ARMC9: variants seen among roughly 807,000 people sequenced by gnomAD.
ARMC9 encodes the protein armadillo repeat containing 9.
Under a neutral mutation model 107.0 loss-of-function variants are expected in ARMC9, and 94 were observed. The ratio of observed to expected loss-of-function variants is 0.88; its 90% CI spans 0.74 to 1.04. The LOEUF is 1.04. Ranked by LOEUF, ARMC9 falls within the 50% of genes least tolerant of loss-of-function variation. The pLI is 0.00. For synonymous variants in ARMC9, 380 were observed against 396.9 expected (o/e 0.96, Z 0.51); for missense variants, 942 against 1,030.1 (o/e 0.91, Z 1.17).
chr2:231,253,507 A>G (rs893971774), intron 9 of ARMC9, among the ~76,000 whole-genome samples: 3 of 152,046 alleles, frequency 2.0e-5, no homozygotes, highest in African/African-American at 4.8e-5. Context: ...AGGTCATGCC[A>G]CTGTACTCCA....
At chr2:231,339,345 T>A (rs543842278) in intron 20 of ARMC9, among the ~76,000 whole-genome samples, 32 of 151,398 alleles carry the variant, frequency 2.1e-4, no homozygotes, top group African/African-American at 5.1e-4. Flanking sequence ...AAAAAAAAAA[T>A]TATATGTATT....
chr2:231,347,394 C>T (rs1264918691), intron 21 of ARMC9, among the ~76,000 whole-genome samples: 1 of 152,140 alleles, frequency 6.6e-6, no homozygotes, highest in African/African-American at 2.4e-5. Flanking sequence ...GCACACAGAC[C>T]AAGCTGTGTG....
chr2:231,285,472 C>A (rs1268192199), intron 17 of ARMC9, among the ~76,000 whole-genome samples: 1 of 151,766 alleles, frequency 6.6e-6, no homozygotes, highest in East Asian at 1.9e-4. Context: ...ATGGAGAAAC[C>A]CTGTCTCTAC....
intron 23 of ARMC9, among the ~76,000 whole-genome samples, chr2:231,366,445 C>A (rs779742281): frequency 3.9e-5 from 6 of 152,156 alleles, no homozygotes; most frequent in Non-Finnish European, 5.9e-5. Flanking sequence ...TGCTTATAAT[C>A]CTGGCACTGT....
At chr2:231,309,843 C>T (rs2042237948) in intron 19 of ARMC9, among the ~76,000 whole-genome samples, 1 of 152,018 alleles carries the variant, frequency 6.6e-6, no homozygotes, top group African/African-American at 2.4e-5. Flanking sequence ...CAGTCTTATA[C>T]TATCCTGACC....
intron 23 of ARMC9, among the ~76,000 whole-genome samples, chr2:231,368,141 C>T (rs1199717822): frequency 6.6e-6 from 1 of 151,954 alleles, no homozygotes; most frequent in African/African-American, 2.4e-5. Flanking sequence ...CACACTGTAC[C>T]CCATAAATAT....
intron 9 of ARMC9, among the ~76,000 whole-genome samples, chr2:231,247,145 C>T (rs1480943049): frequency 4.6e-5 from 7 of 152,082 alleles, no homozygotes; most frequent in East Asian, 3.8e-4. Context: ...TTAGTAGAGA[C>T]GAGGTTTCAC....
intron 20 of ARMC9, among the ~76,000 whole-genome samples, chr2:231,336,473 G>GC (rs1210827070): frequency 4.6e-5 from 7 of 152,184 alleles, no homozygotes. Flanking sequence ...GGGCCGCCTT[G>GC]CAGCAGCGCT....
chr2:231,295,108 A>G (rs992381316), intron 18 of ARMC9: 1 of 152,198 alleles, frequency 6.6e-6, no homozygotes, highest in Non-Finnish European at 1.5e-5. Flanking sequence ...CTCCTCAAGT[A>G]TGGCTTTAGT....
chr2:231,238,639 C>T (rs2035994840), intron 8 of ARMC9, among the ~76,000 whole-genome samples: 1 of 152,184 alleles, frequency 6.6e-6, no homozygotes, highest in East Asian at 1.9e-4. Context: ...AGGCATGAGC[C>T]ACTATGCCAG....
At chr2:231,323,703 T>C (rs1288126924) in intron 19 of ARMC9, among the ~76,000 whole-genome samples, 3 of 152,200 alleles carry the variant, frequency 2.0e-5, no homozygotes, top group African/African-American at 7.2e-5. Context: ...GTCATGATTT[T>C]AAAGGAGGCA....
chr2:231,353,477 C>T lies in ARMC9; in HGVS notation c.1995-2321C>T, dbSNP rs921539555. On this transcript the variant is annotated intron_variant, in intron 21 of 24. Coordinates refer to ENST00000611582, the MANE Select transcript of ARMC9 (RefSeq NM_001352754.2). Reference sequence around the variant, plus strand: ...GATTACAGGTGTGAGCCACTGCACCCGGCCACAAAGTGACAATTCTAAGAA... The same window carrying T: ...GATTACAGGTGTGAGCCACTGCACCTGGCCACAAAGTGACAATTCTAAGAA... Among the ~76,000 whole-genome samples, 2 of 132,120 alleles carry T rather than the reference C, an allele frequency of 1.5e-5. 1 individual carries two copies. Among genetic ancestry groups the T allele is most frequent in the African/African-American group, 8.6e-5 (2 of 23,386 alleles). 86.7% of individuals were successfully genotyped at this position (132,120 alleles called of 152,430 possible). A position where few individuals can be genotyped will look rare whatever the true frequency, so the allele number is the denominator to read the frequency against.
At position 231,376,212 on chromosome 2, in the gene ARMC9, C is replaced by T. The variant is rs2046192207; in HGVS notation, c.*4677C>T. Among the ~76,000 whole-genome samples the T allele has an allele frequency of 6.6e-6, 1 of 152,068 alleles. No homozygotes were observed. Reference sequence around the variant, plus strand: ...GTTTGCGCAATATGAAATCTGAGCACCTTGAAAAAAGAACAGGGTAACAGC... The same window carrying T: ...GTTTGCGCAATATGAAATCTGAGCATCTTGAAAAAAGAACAGGGTAACAGC... On this transcript the variant is annotated 3_prime_UTR_variant, in exon 25 of 25. Coordinates refer to ENST00000611582, the MANE Select transcript of ARMC9 (RefSeq NM_001352754.2).
intron 9 of ARMC9, among the ~76,000 whole-genome samples, chr2:231,249,656 G>A (rs1290759457): frequency 6.6e-6 from 1 of 152,140 alleles, no homozygotes; most frequent in Non-Finnish European, 1.5e-5. Flanking sequence ...AGGTTCCAGA[G>A]AACCTAGAAG....
At chr2:231,371,090 G>A (rs1429499498) in intron 24 of ARMC9, 14 of 465,832 alleles carry the variant, frequency 3.0e-5, no homozygotes, top group South Asian at 1.7e-4. Flanking sequence ...CAGGTCAGGC[G>A]CAGAGGAGGT....
intron 1 of ARMC9, chr2:231,199,028 G>A (rs553517553): frequency 6.6e-6 from 1 of 152,348 alleles, no homozygotes; most frequent in South Asian, 2.1e-4. Context: ...GCGCGAGCGG[G>A]TTATCCGGGA....
intron 19 of ARMC9, 87 bp from the exon 20 acceptor site, chr2:231,331,706 T>A: frequency 8.4e-7 from 1 of 1,196,784 alleles, no homozygotes. Context: ...CCTTCTTGTT[T>A]CATGACAGCT....
Position 231,282,050 on chromosome 2 carries a change from C to T in ARMC9, c.1552-9C>T, listed in dbSNP as rs752927501. 5.0e-6 allele frequency: 8 copies of T among 1,613,486 alleles called. No individual in the cohort carries two copies. In the South Asian group the frequency reaches 8.8e-5, roughly 18 times the overall value. On this transcript the variant is annotated splice_polypyrimidine_tract_variant and intron_variant, in intron 16 of 24. Transcript: ENST00000611582. The stretch of plus-strand genomic sequence containing the variant: ...TTGCAAATAACTGGTTTTTTTCCTC[C>T]CCTTAAAGATACAGCCGTATGTGAA...
chr2:231,312,363 C>A (rs902250298), intron 19 of ARMC9, among the ~76,000 whole-genome samples: 1 of 152,216 alleles, frequency 6.6e-6, no homozygotes, highest in Non-Finnish European at 1.5e-5. Flanking sequence ...CTCAGGGCCT[C>A]ATTTCTGCCA....
Sources: gnomAD v4.1 joint callset for allele counts (sites outside exome capture counted in the v4.1 genomes callset) on GRCh38, gnomAD v4.1.1 for gene constraint, MANE v1.5 for transcripts, NCBI Gene and HGNC (gene_info 2026-07-23, HGNC 2026-07-21) for gene names.